ZNF616: variants seen among roughly 807,000 people sequenced by gnomAD.
ZNF616 encodes the protein zinc finger protein 616.
ZNF616 carries 5 observed loss-of-function variants against 7.6 expected under a neutral mutation model. The ratio of observed to expected loss-of-function variants is 0.66; its 90% CI spans 0.34 to 1.38. The LOEUF is 1.38. Among genes scored for constraint, ZNF616 ranks in the 40% most tolerant of loss-of-function variants. ZNF616 has a pLI of 0.04. For synonymous variants in ZNF616, 319 were observed against 317.2 expected, an observed-to-expected ratio of 1.01 and a Z score of -0.06; for missense variants, 913 against 948.3, an observed-to-expected ratio of 0.96 and a Z score of 0.49.
chr19:52,123,079 A>C (rs2088876738), intron 3 of ZNF616, among the ~76,000 whole-genome samples: 1 of 152,210 alleles, frequency 6.6e-6, no homozygotes, highest in Non-Finnish European at 1.5e-5. Flanking sequence ...TAAAGAAAGA[A>C]ATCTTGTAAA....
chr19:52,137,360 T>C lies in ZNF616; in HGVS notation c.-77+2372A>G, dbSNP rs565124342. On this transcript the variant is annotated intron_variant, in intron 1 of 3. Coordinates refer to ENST00000600228, the MANE Select transcript of ZNF616 (RefSeq NM_178523.5). ...ATGGTGTGAACCCGGGAGGCGGAGC[T>C]TGCAGTGAGCCGAGATCACACCACT... 4.7e-4 allele frequency among the ~76,000 whole-genome samples: 70 copies of C among 150,452 alleles called. 1 individual carries two copies. The highest frequency in any genetic ancestry group is 3.4e-3 in the Middle Eastern group (1 of 292).
Position 52,113,556 on chromosome 19 carries a change from C to T in ZNF616, c.*1262G>A, listed in dbSNP as rs1164645722. ...TTTGCTGCATCTACCAACCCATCAC[C>T]TGGTATTAAGGCAAAAATGCATTAG... On this transcript the variant is annotated 3_prime_UTR_variant, in exon 4 of 4. Coordinates refer to ENST00000600228, the MANE Select transcript of ZNF616 (RefSeq NM_178523.5). 6.6e-6 allele frequency: 1 copy of T among 152,174 alleles called. No individual in the cohort carries two copies. Among genetic ancestry groups the T allele is most frequent in the Admixed American group, 6.5e-5 (1 of 15,286 alleles). 9.4% of individuals were successfully genotyped at this position (152,174 alleles called of 1,614,324 possible).
rs1309161702 is a variant in ZNF616 at position 52,114,924 on chromosome 19, C to A, written c.2240G>T (p.Cys747Phe). The change falls in exon 4 of 4, where the codon TGT (cysteine) becomes TTT (phenylalanine). Residue 747 changes from cysteine to phenylalanine, a missense_variant. Coordinates refer to ENST00000600228, the MANE Select transcript of ZNF616 (RefSeq NM_178523.5). ...RIHSGKKPYKCNECGKSFICR... is the reference protein window; with the variant it reads ...RIHSGKKPYKFNECGKSFICR... ...AATAAAAGATTTCCCACACTCATTACATTTATAAGGTTTTTTGCCAGAATG... is the reference window on the plus strand; with the variant it reads ...AATAAAAGATTTCCCACACTCATTAAATTTATAAGGTTTTTTGCCAGAATG... The A allele has an allele frequency of 6.2e-7, 1 of 1,614,010 alleles. No individual in the cohort carries two copies. The highest frequency in any genetic ancestry group is 1.3e-5 in the African/African-American group (1 of 74,906).
intron 1 of ZNF616, among the ~76,000 whole-genome samples, chr19:52,132,396 G>A (rs773156414): frequency 6.6e-6 from 1 of 152,118 alleles, no homozygotes; most frequent in East Asian, 1.9e-4. Context: ...ACATGGAGAC[G>A]TGTAGGTGAG....
intron 2 of ZNF616, 98 bp downstream of exon 2, chr19:52,130,401 CAG>C (rs2088947137): frequency 1.9e-6 from 2 of 1,068,912 alleles, no homozygotes; most frequent in Middle Eastern, 2.0e-4. Flanking sequence ...ACTTCAGACT[CAG>C]AGAAGATTTG....
In ZNF616 at chr19:52,114,875, A is replaced by G; in HGVS notation, c.2289T>C (p.His763=). 6.2e-7 allele frequency: 1 copy of G among 1,611,748 alleles called. No individual in the cohort carries two copies. Among genetic ancestry groups the G allele is most frequent in the Non-Finnish European group, 8.5e-7 (1 of 1,178,744 alleles). ...SFICRSGLTK[H]RIRHTGESLT... ...GGCTCTCTCCAGTATGTCTTATTCG[A>G]TGTTTAGTGAGGCCTGAGCGACAAA... The change falls in exon 4 of 4, where the codon CAT becomes CAC. Residue 763 remains histidine, a synonymous_variant. Transcript: ENST00000600228.
rs751725672 is a variant in ZNF616 at position 52,116,717 on chromosome 19, A to G, written c.447T>C (p.Ala149=). The G allele has an allele frequency of 2.5e-6, 4 of 1,614,062 alleles. No individual in the cohort carries two copies. In the African/African-American group the frequency reaches 5.3e-5, roughly 22 times the overall value. ...QLTSNFESRL[A]ELQKVQTEGR... ...CTTCAGTTTGAACTTTCTGCAGTTCAGCCAGACGTGACTCAAAGTTTGATG... is the reference window on the plus strand; with the variant it reads ...CTTCAGTTTGAACTTTCTGCAGTTCGGCCAGACGTGACTCAAAGTTTGATG... Residue 149 remains alanine (A), a synonymous_variant, in exon 4 of 4, where the codon GCT becomes GCC. Transcript: ENST00000600228.
At chr19:52,131,431 G>C (rs757968874) in intron 1 of ZNF616, among the ~76,000 whole-genome samples, 13 of 152,102 alleles carry the variant, frequency 8.5e-5, no homozygotes, top group Non-Finnish European at 1.6e-4. Flanking sequence ...AGTCTCAAAG[G>C]GGGCAAGACT....
At chr19:52,133,549 C>T (rs1223089961) in intron 1 of ZNF616, among the ~76,000 whole-genome samples, 1 of 152,072 alleles carries the variant, frequency 6.6e-6, no homozygotes, top group African/African-American at 2.4e-5. Flanking sequence ...GACAGAGTCT[C>T]GCTCTGTCGC....
chr19:52,126,353 C>T (rs918423466), intron 2 of ZNF616, among the ~76,000 whole-genome samples: 1 of 152,090 alleles, frequency 6.6e-6, no homozygotes, highest in Non-Finnish European at 1.5e-5. Flanking sequence ...CATTATGAAA[C>T]CCCATCTCTA....
In ZNF616 at chr19:52,121,285, C is replaced by T. The variant is rs181295913; in HGVS notation, c.139+2638G>A. On this transcript the variant is annotated intron_variant, in intron 3 of 3. Coordinates refer to ENST00000600228, the MANE Select transcript of ZNF616 (RefSeq NM_178523.5). Reference sequence around the variant, plus strand: ...GGCCAGGCTGGTCTCAAACTCCTGACCTCGTTTAACACATTTTAAAGACTG... The same window carrying T: ...GGCCAGGCTGGTCTCAAACTCCTGATCTCGTTTAACACATTTTAAAGACTG... 9.3e-4 allele frequency among the ~76,000 whole-genome samples: 142 copies of T among 152,296 alleles called. 2 individuals are homozygous for T. The Middle Eastern group carries it at 0.01, about 11-fold the overall frequency.
intron 1 of ZNF616, among the ~76,000 whole-genome samples, chr19:52,133,275 T>G (rs1487598125): frequency 2.6e-5 from 4 of 152,160 alleles, no homozygotes; most frequent in Non-Finnish European, 5.9e-5. Context: ...AAGGAAACGA[T>G]AAGCTTTAGG....
chr19:52,129,541 A>ACAACTGCT (rs2088939567), intron 2 of ZNF616, among the ~76,000 whole-genome samples: 1 of 152,160 alleles, frequency 6.6e-6, no homozygotes, highest in South Asian at 2.1e-4. Flanking sequence ...TGCTGGTAAG[A>ACAACTGCT]GTCCCCGCAG....
chr19:52,133,743 C>G (rs2088982985), intron 1 of ZNF616, among the ~76,000 whole-genome samples: 4 of 152,140 alleles, frequency 2.6e-5, no homozygotes. Flanking sequence ...GAACTCCAGA[C>G]CTCAGGTGAT....
intron 1 of ZNF616, among the ~76,000 whole-genome samples, chr19:52,137,347 C>T (rs112743924): frequency 6.0e-5 from 9 of 151,240 alleles, no homozygotes; most frequent in South Asian, 2.1e-4. Flanking sequence ...GGTGTGAACC[C>T]GGGAGGCGGA....
intron 1 of ZNF616, among the ~76,000 whole-genome samples, chr19:52,131,150 C>A (rs1241908845): frequency 6.6e-6 from 1 of 151,772 alleles, no homozygotes; most frequent in Non-Finnish European, 1.5e-5. Flanking sequence ...CCCCTTAAAT[C>A]CCAGTTACTT....
chr19:52,121,901 T>A (rs8106875), intron 3 of ZNF616, among the ~76,000 whole-genome samples: 9,147 of 151,980 alleles, frequency 0.06, 895 homozygotes, highest in African/African-American at 0.2. Flanking sequence ...TATAATTTTT[T>A]AAAAAAAATT....
chr19:52,133,588 G>C (rs1375106410), intron 1 of ZNF616, among the ~76,000 whole-genome samples: 1 of 151,886 alleles, frequency 6.6e-6, no homozygotes, highest in Non-Finnish European at 1.5e-5. Context: ...GCACGATCTC[G>C]GCTCACTGCA....
At chr19:52,122,904 G>A (rs750421580) in intron 3 of ZNF616, among the ~76,000 whole-genome samples, 1 of 152,124 alleles carries the variant, frequency 6.6e-6, no homozygotes, top group Non-Finnish European at 1.5e-5. Flanking sequence ...AAAGTGCTGG[G>A]ATTATAGGCG....
Sources: allele counts gnomAD v4.1 joint callset (sites outside exome capture counted in the v4.1 genomes callset), GRCh38; gene constraint gnomAD v4.1.1; transcripts MANE v1.5; gene names NCBI Gene and HGNC (gene_info 2026-07-23, HGNC 2026-07-21).